Variants in PRR11 observed in about 807,000 individuals in gnomAD.
The protein encoded by PRR11 is proline rich 11.
PRR11 carries 30 observed loss-of-function variants against 45.6 expected under a neutral mutation model. That is an observed-to-expected ratio of 0.66 (90% CI 0.49 to 0.89). The LOEUF is 0.89. Among genes scored for constraint, PRR11 ranks in the 40% least tolerant of loss-of-function variants. PRR11 has a pLI of 0.00. For missense variants in PRR11, 373 were observed against 424.8 expected, an observed-to-expected ratio of 0.88 and a Z score of 1.07; for synonymous variants, 128 against 153.5, an observed-to-expected ratio of 0.83 and a Z score of 1.23.
intron 2 of PRR11, chr17:59,174,991 T>C: frequency 1.4e-6 from 1 of 735,800 alleles, no homozygotes; most frequent in East Asian, 3.7e-5. Flanking sequence ...ACCCAAGCCC[T>C]CCAGCGCATG....
chr17:59,186,173 A>G (rs543137619), intron 4 of PRR11, among the ~76,000 whole-genome samples: 1 of 151,564 alleles, frequency 6.6e-6, no homozygotes, highest in Non-Finnish European at 1.5e-5. Context: ...CCCAGCCTAG[A>G]CTCCAACTCC....
At chr17:59,199,992 A>C (rs1386437828) in intron 9 of PRR11, among the ~76,000 whole-genome samples, 4 of 152,188 alleles carry the variant, frequency 2.6e-5, no homozygotes, top group African/African-American at 9.7e-5. Flanking sequence ...GTTTAGCTCT[A>C]AGATCTTTGT....
At chr17:59,158,581 T>C (rs548241839) in intron 1 of PRR11, among the ~76,000 whole-genome samples, 16 of 151,940 alleles carry the variant, frequency 1.1e-4, no homozygotes, top group African/African-American at 3.4e-4. Context: ...ACAGAAAGAG[T>C]GTGTGTACAA....
intron 3 of PRR11, 48 bp from the exon 4 acceptor site, chr17:59,185,392 C>A: frequency 6.4e-7 from 1 of 1,566,294 alleles, no homozygotes; most frequent in South Asian, 1.2e-5. Context: ...TTTTCTTGTC[C>A]TTATCATATT....
At position 59,177,312 on chromosome 17, in the gene PRR11, G is replaced by A. The variant is rs529788122; in HGVS notation, c.128+7432G>A. 1.8e-3 allele frequency: 982 copies of A among 541,378 alleles called. 2 individuals are homozygous for A. The highest frequency in any genetic ancestry group is 2.7e-3 in the Non-Finnish European group (731 of 266,568). The allele number at this position is 541,378 out of a possible 1,614,324, so 33.5% of individuals were successfully genotyped here. On this transcript the variant is annotated intron_variant, in intron 2 of 9. Coordinates refer to ENST00000262293, the MANE Select transcript of PRR11 (RefSeq NM_018304.4). ...GGTCACATCTTGGGAGAGGAAGATC[G>A]TGGAGACAGTGGAATGGGGGTCTAG...
Position 59,197,757 on chromosome 17 carries a change from G to A in PRR11, c.982G>A (p.Val328Met), listed in dbSNP as rs1015658578. ...NMETGTGLTP[V>M]MTQALRRKFQ... is the part of the protein sequence containing the mutation. Reference sequence around the variant, plus strand: ...GGAAACAGGAACAGGACTGACTCCAGTGATGACGCAGGCCTTAAGGAGAAA... The same window carrying A: ...GGAAACAGGAACAGGACTGACTCCAATGATGACGCAGGCCTTAAGGAGAAA... Residue 328 changes from valine (V) to methionine (M), a missense_variant, in exon 9 of 10, where the codon GTG becomes ATG. Physicochemically the swap from Val to Met is conservative, Grantham distance 21 (BLOSUM62 1). Coordinates refer to ENST00000262293, the MANE Select transcript of PRR11 (RefSeq NM_018304.4). 1 of 1,613,928 alleles carries A rather than the reference G, an allele frequency of 6.2e-7. No individual in the cohort carries two copies. Among genetic ancestry groups the A allele is most frequent in the Non-Finnish European group, 8.5e-7 (1 of 1,179,984 alleles).
At chr17:59,192,298 C>T (rs2046843342) in intron 4 of PRR11, among the ~76,000 whole-genome samples, 1 of 152,132 alleles carries the variant, frequency 6.6e-6, no homozygotes, top group South Asian at 2.1e-4. Flanking sequence ...GTATGGGAGG[C>T]AGTGAAGCTC....
intron 1 of PRR11, among the ~76,000 whole-genome samples, chr17:59,168,333 C>A (rs1271294360): frequency 6.6e-6 from 1 of 151,512 alleles, no homozygotes; most frequent in African/African-American, 2.4e-5. Context: ...CCATGCCCAG[C>A]TAATTTTTGT....
intron 7 of PRR11, 25 bp downstream of exon 7, chr17:59,195,468 T>A: frequency 7.2e-7 from 1 of 1,395,834 alleles, no homozygotes; most frequent in Non-Finnish European, 1.0e-6. Flanking sequence ...AGTACTATGC[T>A]CTACTACTAC....
At chr17:59,189,125 C>T (rs1325945807) in intron 4 of PRR11, among the ~76,000 whole-genome samples, 1 of 150,978 alleles carries the variant, frequency 6.6e-6, no homozygotes, top group Non-Finnish European at 1.5e-5. Context: ...ATGATGAAAC[C>T]CCCTCTCTAC....
rs2046752552 is a variant in PRR11 at position 59,177,227 on chromosome 17, A to G, written c.128+7347A>G. 9.1e-6 allele frequency: 5 copies of G among 547,458 alleles called. No individual in the cohort carries two copies. In the Admixed American group the frequency reaches 9.6e-5, roughly 11 times the overall value. 33.9% of individuals were successfully genotyped at this position (547,458 alleles called of 1,614,324 possible). On this transcript the variant is annotated intron_variant, in intron 2 of 9. Coordinates refer to ENST00000262293, the MANE Select transcript of PRR11 (RefSeq NM_018304.4). ...CGGGAGAAGAGGCCGGCGCGGCTAAAATATGCTATGACCATAGCCAGGAGA... is the reference window on the plus strand; with the variant it reads ...CGGGAGAAGAGGCCGGCGCGGCTAAGATATGCTATGACCATAGCCAGGAGA...
Position 59,193,040 on chromosome 17 carries a change from C to A in PRR11, c.403-452C>A, listed in dbSNP as rs771246784. On this transcript the variant is annotated intron_variant, in intron 4 of 9. Coordinates refer to ENST00000262293, the MANE Select transcript of PRR11 (RefSeq NM_018304.4). ...AGCTGTTCATGCTCATAGCACACTT[C>A]GTTGCTCTTATTGAAGTATTGTTTT... is the stretch of plus-strand genomic sequence containing the variant. 1.1e-3 allele frequency among the ~76,000 whole-genome samples: 173 copies of A among 152,322 alleles called. 1 individual carries two copies. The highest frequency in any genetic ancestry group is 2.1e-3 in the Admixed American group (32 of 15,292).
At chr17:59,156,445 C>G (rs1464058950) in intron 1 of PRR11, among the ~76,000 whole-genome samples, 1 of 150,670 alleles carries the variant, frequency 6.6e-6, no homozygotes, top group Non-Finnish European at 1.5e-5. Context: ...TTAAAAAAAG[C>G]AAGTACCCAG....
intron 2 of PRR11, among the ~76,000 whole-genome samples, chr17:59,172,333 C>T (rs1490821966): frequency 1.3e-5 from 2 of 152,234 alleles, no homozygotes; most frequent in Non-Finnish European, 2.9e-5. Context: ...TCTCACTGTT[C>T]TCTATGGATT....
At chr17:59,181,735 T>G in intron 2 of PRR11, 1 of 1,557,398 alleles carries the variant, frequency 6.4e-7, no homozygotes, top group African/African-American at 1.4e-5. Flanking sequence ...GAGGCTGGGA[T>G]CTACCCCAGG....
intron 2 of PRR11, among the ~76,000 whole-genome samples, chr17:59,184,088 C>T (rs188629253): frequency 4.1e-4 from 63 of 152,234 alleles, no homozygotes; most frequent in African/African-American, 1.4e-3. Flanking sequence ...CTAGGCAACA[C>T]AGCAAGACGT....
chr17:59,178,001 CG>C (rs1568321929), intron 2 of PRR11, among the ~76,000 whole-genome samples: 1 of 131,294 alleles, frequency 7.6e-6, no homozygotes, highest in East Asian at 2.2e-4. Flanking sequence ...GATACTGTCT[CG>C]AAAAAAAAAA....
At chr17:59,165,982 AT>A (rs1456786998) in intron 1 of PRR11, among the ~76,000 whole-genome samples, 2 of 152,190 alleles carry the variant, frequency 1.3e-5, no homozygotes, top group Non-Finnish European at 2.9e-5. Context: ...ACCTTGTCAA[AT>A]TGGGACCTGA....
Position 59,185,208 on chromosome 17 carries a change from T to G in PRR11, c.279+4T>G. On this transcript the variant is annotated splice_donor_region_variant and intron_variant, in intron 3 of 9. Transcript: ENST00000262293. ...GTGCCAGAACTGCATAACCCAGGTA[T>G]GGATGTGACATCCCTGTTTTCAGTG... 1 of 1,613,380 alleles carries G rather than the reference T, an allele frequency of 6.2e-7. No individual in the cohort carries two copies. Among genetic ancestry groups the G allele is most frequent in the Non-Finnish European group, 8.5e-7 (1 of 1,179,626 alleles).
Sources: allele counts gnomAD v4.1 joint callset (sites outside exome capture counted in the v4.1 genomes callset), GRCh38; gene constraint gnomAD v4.1.1; transcripts MANE v1.5; gene names NCBI Gene and HGNC (gene_info 2026-07-23, HGNC 2026-07-21).